RBM45: variants seen among roughly 807,000 people sequenced by gnomAD.
RBM45 encodes RNA binding motif protein 45.
Under a neutral mutation model 58.5 loss-of-function variants are expected in RBM45, and 39 were observed. That is an observed-to-expected ratio of 0.67 (90% CI 0.52 to 0.87). RBM45 has a LOEUF of 0.87. Ranked by LOEUF, RBM45 falls within the 40% of genes least tolerant of loss-of-function variation. The probability of loss-of-function intolerance (pLI) is 0.00; values close to 1 mark genes in which losing one functional copy is unlikely to be tolerated. For missense variants in RBM45, 481 were observed against 581.6 expected (o/e 0.83, Z 1.78); for synonymous variants, 193 against 203.0 (o/e 0.95, Z 0.42).
At position 178,116,378 on chromosome 2, in the gene RBM45, A is replaced by T; in HGVS notation, c.417A>T (p.Lys139Asn). The change falls in exon 2 of 10, where the codon AAA becomes AAT. Residue 139 changes from lysine (K) to asparagine (N), a missense_variant. By Grantham distance (94) the Lys-to-Asn change is moderately conservative. Coordinates refer to ENST00000286070, the MANE Select transcript of RBM45 (RefSeq NM_152945.4). ...ACACAGAAGAAGATCTGCGGGAAAA[A>T]TTTAAGGTATTTATTCTAATCAGCT... ...KSYTEEDLREKFKVYGDIEYC... is the reference protein window; with the variant it reads ...KSYTEEDLRENFKVYGDIEYC... 1 of 1,604,386 alleles carries T rather than the reference A, an allele frequency of 6.2e-7. No individual in the cohort carries two copies. Among genetic ancestry groups the T allele is most frequent in the Non-Finnish European group, 8.5e-7 (1 of 1,177,150 alleles).
chr2:178,117,911 T>C (rs2087798686), intron 2 of RBM45, 144 bp from the exon 3 acceptor site: 1 of 492,274 alleles, frequency 2.0e-6, no homozygotes, highest in African/African-American at 1.9e-5. Flanking sequence ...TATTTGCAAA[T>C]ACAAATATGC....
At chr2:178,124,648 T>C (rs1414312306) in intron 8 of RBM45, among the ~76,000 whole-genome samples, 7 of 152,152 alleles carry the variant, frequency 4.6e-5, no homozygotes, top group Non-Finnish European at 1.0e-4. Context: ...ACCCCATCTC[T>C]ACAAAAAATA....
chr2:178,122,200 C>T (rs561227184), intron 5 of RBM45, among the ~76,000 whole-genome samples: 1 of 152,162 alleles, frequency 6.6e-6, no homozygotes, highest in Admixed American at 6.5e-5. Flanking sequence ...AATGCAAGTT[C>T]TGGCATGTAA....
chr2:178,123,090 A>T (rs1170609117), intron 5 of RBM45, among the ~76,000 whole-genome samples: 1 of 152,144 alleles, frequency 6.6e-6, no homozygotes, highest in Non-Finnish European at 1.5e-5. Flanking sequence ...ACTGCTGCAG[A>T]TAGCCGGGAT....
chr2:178,117,991 G>C (rs747031237), intron 2 of RBM45, 64 bp from the exon 3 acceptor site: 44 of 1,367,036 alleles, frequency 3.2e-5, no homozygotes, highest in Non-Finnish European at 4.0e-5. Flanking sequence ...CAAATTTTTA[G>C]TTCTGAAATA....
chr2:178,123,448 G>A, intron 5 of RBM45, 74 bp from the exon 6 acceptor site: 1 of 1,437,212 alleles, frequency 7.0e-7, no homozygotes, highest in Non-Finnish European at 9.3e-7. Context: ...TTTCATTTTT[G>A]TGATAGATTG....
At chr2:178,118,481 A>G (rs11692993) in intron 3 of RBM45, among the ~76,000 whole-genome samples, 10,514 of 152,162 alleles carry the variant, frequency 0.069, 483 homozygotes, top group Non-Finnish European at 0.1. Context: ...AATTTTAAGT[A>G]TTAAAAACTT....
rs200658901 is a variant in RBM45 at position 178,121,401 on chromosome 2, T to C, written c.853+42T>C. 42 of 595,020 alleles carry C rather than the reference T, an allele frequency of 7.1e-5. No individual in the cohort carries two copies. The East Asian group carries it at 8.9e-4, about 13-fold the overall frequency. 36.9% of individuals were successfully genotyped at this position (595,020 alleles called of 1,614,324 possible). On this transcript the variant is annotated intron_variant, in intron 5 of 9. Transcript: ENST00000286070. ...ATTAAAAAATATATATATATGTATA[T>C]ATACACACACACACACACACACACA...
At chr2:178,132,630 G>C (rs1182658556), downstream of RBM45, among the ~76,000 whole-genome samples, 1 of 152,088 alleles carries the variant, frequency 6.6e-6, no homozygotes, top group Non-Finnish European at 1.5e-5. Context: ...CACTCTTGTT[G>C]CCCAGGCTGG....
chr2:178,134,226 A>C (rs977671653), downstream of RBM45, among the ~76,000 whole-genome samples: 1 of 152,186 alleles, frequency 6.6e-6, no homozygotes, highest in African/African-American at 2.4e-5. Flanking sequence ...AATGCTGCAG[A>C]AGTGGCAGAA....
At chr2:178,115,815 T>C (rs2087765774) in intron 1 of RBM45, among the ~76,000 whole-genome samples, 1 of 152,152 alleles carries the variant, frequency 6.6e-6, no homozygotes, top group Non-Finnish European at 1.5e-5. Flanking sequence ...TAGAAATACA[T>C]TTGGGAAAAA....
At chr2:178,131,036 G>A (rs1205485946), downstream of RBM45, among the ~76,000 whole-genome samples, 1 of 152,210 alleles carries the variant, frequency 6.6e-6, no homozygotes, top group Non-Finnish European at 1.5e-5. Context: ...GAGCCCAGGA[G>A]TTCGAGGCTG....
downstream of RBM45, among the ~76,000 whole-genome samples, chr2:178,133,523 C>T (rs761376786): frequency 6.6e-5 from 10 of 152,162 alleles, no homozygotes; most frequent in Non-Finnish European, 8.8e-5. Context: ...TTCTTATAAT[C>T]GTAAGATGAA....
At chr2:178,138,910 G>C (rs768312413) in exon 4 of RBM45, 2 of 151,888 alleles carry the variant, frequency 1.3e-5, no homozygotes, top group Non-Finnish European at 2.9e-5. Flanking sequence ...CTTTTGTAAA[G>C]AAATATTAAA....
downstream of RBM45, among the ~76,000 whole-genome samples, chr2:178,133,031 G>T (rs930760405): frequency 1.3e-5 from 2 of 152,172 alleles, no homozygotes; most frequent in Non-Finnish European, 2.9e-5. Context: ...ATTCACTTTG[G>T]AATATACTGG....
chr2:178,114,186 T>A (rs1458606287), intron 1 of RBM45, among the ~76,000 whole-genome samples: 1 of 152,230 alleles, frequency 6.6e-6, no homozygotes, highest in East Asian at 1.9e-4. Flanking sequence ...TTACAGTCCT[T>A]AAAAACTGTA....
At chr2:178,114,543 C>T (rs1490246607) in intron 1 of RBM45, among the ~76,000 whole-genome samples, 1 of 152,118 alleles carries the variant, frequency 6.6e-6, no homozygotes, top group Non-Finnish European at 1.5e-5. Flanking sequence ...CAGTTTTAGC[C>T]AGAAGGTTGT....
intron 3 of RBM45, among the ~76,000 whole-genome samples, chr2:178,118,778 T>C (rs565836732): frequency 6.6e-6 from 1 of 152,308 alleles, no homozygotes; most frequent in South Asian, 2.1e-4. Flanking sequence ...TTAGAAATGA[T>C]ATGTAGAGTA....
chr2:178,136,049 G>A (rs185918360), intron 3 of RBM45, among the ~76,000 whole-genome samples: 120 of 152,268 alleles, frequency 7.9e-4, no homozygotes, highest in African/African-American at 2.5e-3. Context: ...GATGGCTCAC[G>A]CCTGTAATCC....
Sources: allele counts gnomAD v4.1 joint callset (sites outside exome capture counted in the v4.1 genomes callset), GRCh38; gene constraint gnomAD v4.1.1; transcripts MANE v1.5; gene names NCBI Gene and HGNC (gene_info 2026-07-23, HGNC 2026-07-21).